Variants in SCNN1B observed in about 807,000 individuals in gnomAD.
SCNN1B encodes the protein epithelial sodium channel subunit beta.
SCNN1B carries 46 observed loss-of-function variants against 65.3 expected under a neutral mutation model. The observed-to-expected ratio is 0.70, with a 90% CI of 0.56 to 0.90. The LOEUF (loss-of-function observed/expected upper bound fraction) is 0.90, where lower values mean the gene tolerates loss of function less well. SCNN1B is among the 40% of genes least tolerant of loss of function. The probability of loss-of-function intolerance (pLI) is 0.00; values close to 1 mark genes in which losing one functional copy is unlikely to be tolerated. For missense variants in SCNN1B, 751 were observed against 830.5 expected, an observed-to-expected ratio of 0.90 and a Z score of 1.18; for synonymous variants, 349 against 330.6, an observed-to-expected ratio of 1.06 and a Z score of -0.60.
At chr16:23,368,009 C>T (rs1295545373) in intron 5 of SCNN1B, 50 bp downstream of exon 5, 5 of 1,384,138 alleles carry the variant, frequency 3.6e-6, no homozygotes, top group Non-Finnish European at 5.2e-6. Context: ...TTAACCACCC[C>T]CACAATGTGG....
intron 5 of SCNN1B, among the ~76,000 whole-genome samples, chr16:23,369,239 C>T (rs1319144975): frequency 6.6e-6 from 1 of 152,126 alleles, no homozygotes; most frequent in Non-Finnish European, 1.5e-5. Context: ...TCCTGAGGAG[C>T]TAGGATTGCA....
intron 1 of SCNN1B, among the ~76,000 whole-genome samples, chr16:23,280,916 C>T (rs138065187): frequency 8.0e-4 from 122 of 152,362 alleles, no homozygotes; most frequent in African/African-American, 2.9e-3. Flanking sequence ...TGAGCCAGCT[C>T]AGGCTGTGGG....
At chr16:23,342,303 C>G (rs896224921) in intron 1 of SCNN1B, among the ~76,000 whole-genome samples, 2 of 152,282 alleles carry the variant, frequency 1.3e-5, no homozygotes, top group Admixed American at 6.5e-5. Context: ...GCTGGAGTGC[C>G]GTGGCACAAT....
intron 3 of SCNN1B, among the ~76,000 whole-genome samples, chr16:23,353,482 T>G (rs1288928388): frequency 1.3e-5 from 2 of 152,098 alleles, no homozygotes; most frequent in Non-Finnish European, 2.9e-5. Context: ...TGCCCTTGCT[T>G]AGCAGTGGTC....
chr16:23,279,371 C>T (rs1338614730), intron 1 of SCNN1B, among the ~76,000 whole-genome samples: 4 of 152,150 alleles, frequency 2.6e-5, no homozygotes, highest in East Asian at 1.9e-4. Flanking sequence ...TGAACCACCA[C>T]GCCCAGCCGT....
chr16:23,337,642 T>C (rs550144709), intron 1 of SCNN1B, among the ~76,000 whole-genome samples: 5 of 152,206 alleles, frequency 3.3e-5, no homozygotes, highest in African/African-American at 1.2e-4. Context: ...CCTCCCAAAG[T>C]GCTGTGATTA....
intron 2 of SCNN1B, among the ~76,000 whole-genome samples, chr16:23,288,091 T>C (rs1457513634): frequency 6.6e-6 from 1 of 152,052 alleles, no homozygotes; most frequent in Non-Finnish European, 1.5e-5. Context: ...TGGTTGAGGC[T>C]GCAGTGAGCT....
At chr16:23,368,736 A>T (rs1962723398) in intron 5 of SCNN1B, among the ~76,000 whole-genome samples, 1 of 152,208 alleles carries the variant, frequency 6.6e-6, no homozygotes, top group Admixed American at 6.5e-5. Context: ...AATGCTCCAT[A>T]TATGCTGAGT....
chr16:23,329,213 G>A (rs372880990), intron 1 of SCNN1B, among the ~76,000 whole-genome samples: 123 of 152,190 alleles, frequency 8.1e-4, no homozygotes, highest in African/African-American at 2.7e-3. Context: ...TTGGGCTCAA[G>A]GGATCCTCTC....
At chr16:23,280,384 C>T (rs1283384585) in intron 1 of SCNN1B, among the ~76,000 whole-genome samples, 1 of 151,784 alleles carries the variant, frequency 6.6e-6, no homozygotes, top group Non-Finnish European at 1.5e-5. Flanking sequence ...ATCACTATGC[C>T]GGCTAATTTT....
chr16:23,377,816 T>C (rs1486166827), intron 10 of SCNN1B, among the ~76,000 whole-genome samples: 1 of 149,466 alleles, frequency 6.7e-6, no homozygotes, highest in Admixed American at 6.7e-5. Context: ...CTTCTTTCCT[T>C]CCACCAATAT....
intron 4 of SCNN1B, among the ~76,000 whole-genome samples, chr16:23,366,618 C>T (rs1374586004): frequency 6.6e-6 from 1 of 152,060 alleles, no homozygotes; most frequent in African/African-American, 2.4e-5. Context: ...CCTGTAATCC[C>T]AGCTACTCAG....
chr16:23,296,783 C>CGG (rs1325276650), intron 2 of SCNN1B, among the ~76,000 whole-genome samples: 1 of 151,994 alleles, frequency 6.6e-6, no homozygotes, highest in African/African-American at 2.4e-5. Context: ...GGGCAGATCA[C>CGG]GGGGTCAGGA....
Position 23,367,035 on chromosome 16 carries a change from C to T in SCNN1B, c.777-821C>T, listed in dbSNP as rs972884491. Among the ~76,000 whole-genome samples, 9 of 152,114 alleles carry T rather than the reference C, an allele frequency of 5.9e-5. No individual in the cohort carries two copies. In the South Asian group the frequency reaches 1.2e-3, roughly 21 times the overall value. Reference sequence around the variant, plus strand: ...GTTCCTCGGCTTGTGTCTGAAGGCCCCTGCCTCAGTCTTCAATGAGCTTCT... The same window carrying T: ...GTTCCTCGGCTTGTGTCTGAAGGCCTCTGCCTCAGTCTTCAATGAGCTTCT... On this transcript the variant is annotated intron_variant, in intron 4 of 12. Transcript: ENST00000343070.
At chr16:23,369,186 C>T (rs1962733242) in intron 5 of SCNN1B, among the ~76,000 whole-genome samples, 1 of 152,094 alleles carries the variant, frequency 6.6e-6, no homozygotes, top group African/African-American at 2.4e-5. Context: ...TGGCTCACTG[C>T]AGCCTCAACC....
intron 1 of SCNN1B, among the ~76,000 whole-genome samples, chr16:23,309,713 A>G (rs535350766): frequency 6.6e-6 from 1 of 152,326 alleles, no homozygotes; most frequent in East Asian, 1.9e-4. Context: ...TCAGATTAAG[A>G]GTGGGTCTGC....
At chr16:23,304,251 ATG>A in intron 1 of SCNN1B, 1 of 640,332 alleles carries the variant, frequency 1.6e-6, no homozygotes, top group Non-Finnish European at 2.8e-6. Context: ...CCATGAATGC[ATG>A]CACACACACA....
At chr16:23,316,275 C>T (rs1454682152) in intron 1 of SCNN1B, among the ~76,000 whole-genome samples, 1 of 149,036 alleles carries the variant, frequency 6.7e-6, no homozygotes, top group Non-Finnish European at 1.5e-5. Flanking sequence ...ACCATCTTCA[C>T]CATCACCACC....
chr16:23,359,676 T>C (rs1385635257), intron 4 of SCNN1B, among the ~76,000 whole-genome samples: 3 of 152,042 alleles, frequency 2.0e-5, no homozygotes, highest in Non-Finnish European at 4.4e-5. Context: ...AGCTGCAGAA[T>C]TAGGAAAATG....
Sources: gnomAD v4.1 joint callset for allele counts (sites outside exome capture counted in the v4.1 genomes callset) on GRCh38, gnomAD v4.1.1 for gene constraint, MANE v1.5 for transcripts, NCBI Gene and HGNC (gene_info 2026-07-23, HGNC 2026-07-21) for gene names.